The following DDX4 variants were observed in gnomAD, a reference collection of about 807,000 sequenced individuals.
DDX4 encodes the protein probable ATP-dependent RNA helicase DDX4.
Under a neutral mutation model 100.0 loss-of-function variants are expected in DDX4, and 25 were observed. The observed-to-expected ratio is 0.25, with a 90% CI of 0.18 to 0.35. DDX4 has a LOEUF of 0.35. Ranked by LOEUF, DDX4 falls within the 10% of genes least tolerant of loss-of-function variation. The probability of loss-of-function intolerance (pLI) is 1.00; values close to 1 mark genes in which losing one functional copy is unlikely to be tolerated. For synonymous variants in DDX4, 259 were observed against 275.7 expected (o/e 0.94, Z 0.60); for missense variants, 635 against 882.4 (o/e 0.72, Z 3.55).
chr5:55,764,091 A>G (rs1445887954), intron 6 of DDX4, 27 bp downstream of exon 6: 1 of 1,537,918 alleles, frequency 6.5e-7, no homozygotes, highest in Non-Finnish European at 9.0e-7. Flanking sequence ...TGTGTTTTAA[A>G]ATTTAATGTC....
chr5:55,808,197 G>A (rs1743870362), intron 18 of DDX4, among the ~76,000 whole-genome samples: 1 of 152,106 alleles, frequency 6.6e-6, no homozygotes, highest in South Asian at 2.1e-4. Context: ...CTCTGCATTG[G>A]TTATTCTAGT....
chr5:55,814,835 AACTTTAATGATTC>A, intron 19 of DDX4, 53 bp from the exon 20 acceptor site: 1 of 1,520,702 alleles, frequency 6.6e-7, no homozygotes, highest in Non-Finnish European at 8.8e-7. Context: ...TTGTATGTTG[AACTTTAATGATTC>A]ACTTTAATGA....
At chr5:55,762,003 C>T (rs1740590789) in intron 4 of DDX4, among the ~76,000 whole-genome samples, 2 of 152,318 alleles carry the variant, frequency 1.3e-5, no homozygotes, top group East Asian at 1.9e-4. Context: ...AAAATATCGA[C>T]TAGCTTGTTA....
intron 3 of DDX4, among the ~76,000 whole-genome samples, chr5:55,748,106 A>G (rs1309785675): frequency 6.6e-6 from 1 of 152,190 alleles, no homozygotes; most frequent in Non-Finnish European, 1.5e-5. Context: ...TTAAGTTTAA[A>G]AGAGATGACT....
intron 3 of DDX4, among the ~76,000 whole-genome samples, chr5:55,759,574 T>C (rs914849406): frequency 1.6e-4 from 25 of 152,198 alleles, no homozygotes; most frequent in African/African-American, 6.0e-4. Flanking sequence ...GTGAGCTCTT[T>C]AATGTTGAAT....
At chr5:55,814,716 T>C (rs1744295779) in intron 19 of DDX4, among the ~76,000 whole-genome samples, 185 bp from the exon 20 acceptor site, 1 of 152,160 alleles carries the variant, frequency 6.6e-6, no homozygotes, top group Non-Finnish European at 1.5e-5. Flanking sequence ...GGTCTCGATC[T>C]CCTCACCTTG....
chr5:55,800,575 C>T (rs1446302508), intron 18 of DDX4, among the ~76,000 whole-genome samples: 1 of 152,056 alleles, frequency 6.6e-6, no homozygotes, highest in Non-Finnish European at 1.5e-5. Context: ...CTGCCTGCCT[C>T]GGCCTCCCAA....
intron 2 of DDX4, among the ~76,000 whole-genome samples, chr5:55,745,102 A>G (rs768658398): frequency 1.3e-5 from 2 of 152,044 alleles, no homozygotes; most frequent in Non-Finnish European, 2.9e-5. Flanking sequence ...CTGGTCTTGA[A>G]CTGCTGACCT....
At chr5:55,816,237 A>C (rs1017222866) in intron 21 of DDX4, among the ~76,000 whole-genome samples, 4 of 152,150 alleles carry the variant, frequency 2.6e-5, no homozygotes, top group African/African-American at 4.8e-5. Context: ...TATTGACTTA[A>C]AAAATATTTT....
chr5:55,739,021 A>C lies in DDX4; in HGVS notation c.58A>C (p.Ile20Leu). The change falls in exon 2 of 22, where the codon ATA (isoleucine) becomes CTA (leucine). Residue 20 changes from isoleucine to leucine, a missense_variant. Around this residue, in one of 4 missense-constraint regions of DDX4, gnomAD observed 446 missense variants for 540.8 expected, o/e 0.82. Transcript: ENST00000505374. Reference protein sequence around the residue: ...INPHMSSYVPIFEKDRYSGEN... With the variant: ...INPHMSSYVPLFEKDRYSGEN... ...CCCTCATATGTCTTCCTATGTTCCC[A>C]TATTTGAGAAGGTAATAACATTTAA... The C allele has an allele frequency of 6.3e-7, 1 of 1,584,890 alleles. No homozygotes were observed. The highest frequency in any genetic ancestry group is 1.1e-5 in the South Asian group (1 of 89,956).
chr5:55,797,629 A>C (rs747592929), intron 17 of DDX4, among the ~76,000 whole-genome samples: 1 of 152,232 alleles, frequency 6.6e-6, no homozygotes, highest in Non-Finnish European at 1.5e-5. Context: ...GGACTGCTAC[A>C]TAGGAGGGAG....
chr5:55,781,030 A>T, intron 8 of DDX4, 36 bp from the exon 9 acceptor site: 2 of 1,567,874 alleles, frequency 1.3e-6, no homozygotes, highest in Non-Finnish European at 1.7e-6. Context: ...ACTTCTTCAA[A>T]GTAATGTAAT....
chr5:55,758,212 T>C (rs1760063191), intron 3 of DDX4, among the ~76,000 whole-genome samples: 1 of 152,222 alleles, frequency 6.6e-6, no homozygotes, highest in Non-Finnish European at 1.5e-5. Flanking sequence ...TTTTTATTAA[T>C]GTTGTGTGTT....
intron 7 of DDX4, among the ~76,000 whole-genome samples, chr5:55,773,758 G>T (rs184264472): frequency 8.2e-4 from 124 of 152,128 alleles, no homozygotes; most frequent in Non-Finnish European, 1.7e-3. Flanking sequence ...CTGTGTAGCT[G>T]GGACTACAGG....
At position 55,772,274 on chromosome 5, in the gene DDX4, A is replaced by G. The variant is rs1741301847; in HGVS notation, c.394+4334A>G. 1.3e-5 allele frequency among the ~76,000 whole-genome samples: 2 copies of G among 152,176 alleles called. 1 individual carries two copies. Among genetic ancestry groups the G allele is most frequent in the Admixed American group, 1.3e-4 (2 of 15,274 alleles). On this transcript the variant is annotated intron_variant, in intron 7 of 21. Transcript: ENST00000505374. ...TTTTGTATATAATGTGGGAATCAAT[A>G]TACATTTTTTTTCCATATAGATGTT... is the stretch of plus-strand genomic sequence containing the variant.
At chr5:55,800,944 TAA>T (rs1419426044) in intron 18 of DDX4, among the ~76,000 whole-genome samples, 2 of 152,184 alleles carry the variant, frequency 1.3e-5, no homozygotes, top group East Asian at 3.8e-4. Context: ...TTTAAATATA[TAA>T]GTTTATTTCG....
intron 3 of DDX4, among the ~76,000 whole-genome samples, chr5:55,755,861 CATT>C (rs1759896492): frequency 6.6e-6 from 1 of 152,156 alleles, no homozygotes; most frequent in African/African-American, 2.4e-5. Flanking sequence ...AGAAAAACAG[CATT>C]ATTAACAGCA....
intron 3 of DDX4, among the ~76,000 whole-genome samples, chr5:55,750,560 A>G (rs533272486): frequency 2.0e-5 from 3 of 152,236 alleles, no homozygotes; most frequent in Non-Finnish European, 2.9e-5. Flanking sequence ...TTCATTCCCA[A>G]ATCTTCCAAC....
chr5:55,768,168 G>T, intron 7 of DDX4: 1 of 493,154 alleles, frequency 2.0e-6, no homozygotes. Context: ...TTCATGTGTA[G>T]GTTTGTTATC....
Sources: allele counts gnomAD v4.1 joint callset (sites outside exome capture counted in the v4.1 genomes callset), GRCh38; gene constraint gnomAD v4.1.1; regional missense constraint gnomAD v4.1.1; transcripts MANE v1.5; gene names NCBI Gene and HGNC (gene_info 2026-07-23, HGNC 2026-07-21).